The following WDR49 variants were observed in gnomAD, a reference collection of about 807,000 sequenced individuals.
The protein encoded by WDR49 is WD repeat domain 49.
WDR49 carries 107 observed loss-of-function variants against 119.5 expected under a neutral mutation model. The ratio of observed to expected loss-of-function variants is 0.90; its 90% CI spans 0.77 to 1.05. WDR49 has a LOEUF of 1.05. Among genes scored for constraint, WDR49 ranks in the 50% least tolerant of loss-of-function variants. The probability of loss-of-function intolerance (pLI) is 0.00; values close to 1 mark genes in which losing one functional copy is unlikely to be tolerated. For missense variants in WDR49, 1,240 were observed against 1,220.5 expected (o/e 1.02, Z -0.24); for synonymous variants, 425 against 418.8 (o/e 1.01, Z -0.18).
At chr3:167,566,819 A>G in intron 8 of WDR49, 1 of 640,476 alleles carries the variant, frequency 1.6e-6, no homozygotes, top group Non-Finnish European at 2.8e-6. Flanking sequence ...AGAAAGAGAA[A>G]ATATACTTAC....
rs138405301 is a variant in WDR49, at chr3:167,507,013, T to C, written c.2775-1597A>G. On this transcript the variant is annotated intron_variant, in intron 16 of 18. Coordinates refer to ENST00000682715, the MANE Select transcript of WDR49 (RefSeq NM_001366157.1). ...GTGCATGCTATCAAACTGACTTCCA[T>C]GGTTGATGTTAACCTCAATTACCTG... Among the ~76,000 whole-genome samples the C allele has an allele frequency of 2.4e-4, 37 of 152,280 alleles. No homozygotes were observed. In the East Asian group the frequency reaches 6.0e-3, roughly 25 times the overall value.
intron 5 of WDR49, among the ~76,000 whole-genome samples, chr3:167,605,225 T>C (rs1715999097): frequency 6.6e-6 from 1 of 152,162 alleles, no homozygotes; most frequent in Non-Finnish European, 1.5e-5. Flanking sequence ...CTCTGATCTA[T>C]TCAATTGGGC....
chr3:167,649,024 T>A (rs1718254850), intron 2 of WDR49, among the ~76,000 whole-genome samples: 1 of 152,158 alleles, frequency 6.6e-6, no homozygotes, highest in Admixed American at 6.5e-5. Context: ...TTAAATGAAC[T>A]TTATGGACCA....
intron 15 of WDR49, among the ~76,000 whole-genome samples, chr3:167,527,293 T>C (rs1297689830): frequency 2.0e-5 from 3 of 152,176 alleles, no homozygotes; most frequent in Non-Finnish European, 2.9e-5. Context: ...TTGTGAAGAT[T>C]AAATGAGTTA....
At chr3:167,554,355 T>C (rs1337314790) in intron 10 of WDR49, among the ~76,000 whole-genome samples, 1 of 152,158 alleles carries the variant, frequency 6.6e-6, no homozygotes, top group Non-Finnish European at 1.5e-5. Flanking sequence ...AAGTTAAGAA[T>C]TGATTGACTA....
intron 2 of WDR49, among the ~76,000 whole-genome samples, chr3:167,639,800 G>A (rs1434652369): frequency 3.3e-5 from 5 of 151,634 alleles, no homozygotes; most frequent in Admixed American, 6.6e-5. Flanking sequence ...TCATTCTTTT[G>A]TTCTGCCATC....
intron 5 of WDR49, among the ~76,000 whole-genome samples, chr3:167,614,792 A>G (rs938712905): frequency 6.6e-6 from 1 of 152,174 alleles, no homozygotes; most frequent in South Asian, 2.1e-4. Flanking sequence ...TTCTTTCCTC[A>G]ATTGTATATT....
intron 10 of WDR49, among the ~76,000 whole-genome samples, chr3:167,549,833 C>A (rs1022561160): frequency 6.6e-6 from 1 of 152,138 alleles, no homozygotes; most frequent in Admixed American, 6.6e-5. Context: ...TTAGGTCTAA[C>A]ATTTAAGTCT....
chr3:167,517,942 T>A (rs1018147058), intron 16 of WDR49, among the ~76,000 whole-genome samples: 51 of 151,772 alleles, frequency 3.4e-4, no homozygotes, highest in African/African-American at 1.1e-3. Flanking sequence ...TGTCCATGTG[T>A]TCTCATTCTT....
chr3:167,510,605 CT>C (rs1433310858), intron 16 of WDR49, among the ~76,000 whole-genome samples: 1 of 152,098 alleles, frequency 6.6e-6, no homozygotes, highest in East Asian at 1.9e-4. Context: ...GAAGATAACT[CT>C]TTACCATCTA....
rs544233970 is a variant in WDR49 at position 167,572,750 on chromosome 3, C to T, written c.1509+3168G>A. On this transcript the variant is annotated intron_variant, in intron 8 of 18. Coordinates refer to ENST00000682715, the MANE Select transcript of WDR49 (RefSeq NM_001366157.1). The stretch of plus-strand genomic sequence containing the variant: ...TTACTGGGAAAACAACTAAAAAATG[C>T]GACCAATGCTCAGGAAGAGGAGAAG... 1.6e-4 allele frequency among the ~76,000 whole-genome samples: 25 copies of T among 152,236 alleles called. No individual in the cohort carries two copies. In the South Asian group the frequency reaches 4.6e-3, roughly 28 times the overall value.
chr3:167,586,475 T>G (rs1486856564), intron 7 of WDR49, among the ~76,000 whole-genome samples: 1 of 152,216 alleles, frequency 6.6e-6, no homozygotes, highest in Non-Finnish European at 1.5e-5. Flanking sequence ...TTTCAGATCA[T>G]TTTTGGAGAA....
At chr3:167,521,233 A>C (rs1752422413) in intron 16 of WDR49, among the ~76,000 whole-genome samples, 1 of 152,168 alleles carries the variant, frequency 6.6e-6, no homozygotes, top group South Asian at 2.1e-4. Context: ...GTGTATTACA[A>C]GGGGCATGAG....
intron 5 of WDR49, among the ~76,000 whole-genome samples, chr3:167,617,597 T>C (rs949544971): frequency 1.3e-5 from 2 of 152,080 alleles, no homozygotes; most frequent in African/African-American, 4.8e-5. Flanking sequence ...AGTTGCAGAA[T>C]CTGGGGTATC....
At chr3:167,646,959 G>A (rs987427074) in intron 2 of WDR49, among the ~76,000 whole-genome samples, 1 of 152,056 alleles carries the variant, frequency 6.6e-6, no homozygotes, top group East Asian at 1.9e-4. Context: ...AATCACTAAG[G>A]GACAGTTTAG....
intron 5 of WDR49, among the ~76,000 whole-genome samples, chr3:167,611,645 T>C (rs1716342101): frequency 6.6e-6 from 1 of 152,118 alleles, no homozygotes; most frequent in Non-Finnish European, 1.5e-5. Flanking sequence ...ATGAAAAAGA[T>C]ATCCCACGCC....
At chr3:167,538,057 C>T (rs1711568163) in intron 10 of WDR49, among the ~76,000 whole-genome samples, 1 of 152,046 alleles carries the variant, frequency 6.6e-6, no homozygotes, top group Non-Finnish European at 1.5e-5. Context: ...GGTATATATA[C>T]ACAATGGAAC....
intron 18 of WDR49, among the ~76,000 whole-genome samples, chr3:167,485,912 G>A (rs1019140106): frequency 6.6e-6 from 1 of 151,738 alleles, no homozygotes; most frequent in Non-Finnish European, 1.5e-5. Context: ...ACCCTGGAAA[G>A]ATACTATAAA....
chr3:167,628,552 T>G (rs1042806779), intron 2 of WDR49, among the ~76,000 whole-genome samples: 2 of 152,038 alleles, frequency 1.3e-5, no homozygotes, highest in Non-Finnish European at 2.9e-5. Flanking sequence ...GCCCTAACTT[T>G]CCTTAGTTTT....
Sources: gnomAD v4.1 joint callset for allele counts (sites outside exome capture counted in the v4.1 genomes callset) on GRCh38, gnomAD v4.1.1 for gene constraint, MANE v1.5 for transcripts, NCBI Gene and HGNC (gene_info 2026-07-23, HGNC 2026-07-21) for gene names.